Variants in MYO10 observed in about 807,000 individuals in gnomAD.
MYO10 encodes the protein unconventional myosin-X.
MYO10 carries 133 observed loss-of-function variants against 257.3 expected under a neutral mutation model. The ratio of observed to expected loss-of-function variants is 0.52; its 90% CI spans 0.45 to 0.60. The LOEUF is 0.60. Among genes scored for constraint, MYO10 ranks in the 20% least tolerant of loss-of-function variants. The pLI is 0.00. For missense variants in MYO10, 2,399 were observed against 2,635.7 expected, an observed-to-expected ratio of 0.91 and a Z score of 1.97; for synonymous variants, 1,104 against 1,028.6, an observed-to-expected ratio of 1.07 and a Z score of -1.40.
intron 1 of MYO10, among the ~76,000 whole-genome samples, chr5:16,879,004 AAAAG>A (rs1744688549): frequency 6.6e-6 from 1 of 151,996 alleles, no homozygotes; most frequent in African/African-American, 2.4e-5. Context: ...AAAAGAAAAA[AAAAG>A]AATTACTTTT....
intron 19 of MYO10, among the ~76,000 whole-genome samples, chr5:16,718,343 C>T (rs563059102): frequency 1.2e-4 from 19 of 152,306 alleles, no homozygotes; most frequent in Admixed American, 4.6e-4. Context: ...TGCGAGCGCA[C>T]GGCGCAGGAC....
At chr5:16,829,343 C>T (rs73754004) in intron 2 of MYO10, among the ~76,000 whole-genome samples, 19,752 of 152,152 alleles carry the variant, frequency 0.13, 2,116 homozygotes, top group African/African-American at 0.3. Flanking sequence ...GCAACACTAA[C>T]ATCAAACACA....
chr5:16,699,214 G>A (rs1280438544), intron 26 of MYO10, among the ~76,000 whole-genome samples: 8 of 152,166 alleles, frequency 5.3e-5, no homozygotes, highest in Non-Finnish European at 1.0e-4. Flanking sequence ...AGTCACGACT[G>A]TGTTCATGCT....
intron 1 of MYO10, among the ~76,000 whole-genome samples, chr5:16,933,776 A>C (rs1746360416): frequency 6.6e-6 from 1 of 152,210 alleles, no homozygotes; most frequent in South Asian, 2.1e-4. Context: ...AACCTCTCTG[A>C]CTGGCCCTGC....
chr5:16,899,643 C>A lies in MYO10; in HGVS notation c.22-21936G>T, dbSNP rs990659288. 6.5e-3 allele frequency among the ~76,000 whole-genome samples: 829 copies of A among 126,686 alleles called. 4 individuals are homozygous for A. Among genetic ancestry groups the A allele is most frequent in the South Asian group, 0.012 (47 of 4,050 alleles). 83.1% of individuals were successfully genotyped at this position (126,686 alleles called of 152,430 possible). ...AACTCAGTTTCAAAAAAAAAAAAAA[C>A]AAAAAACAATGTGATAAATCAGAAT... On this transcript the variant is annotated intron_variant, in intron 1 of 40. Transcript: ENST00000513610.
chr5:16,869,070 C>T (rs577834896), intron 2 of MYO10, among the ~76,000 whole-genome samples: 7 of 152,170 alleles, frequency 4.6e-5, no homozygotes, highest in Non-Finnish European at 7.4e-5. Context: ...TGTCGCCCAG[C>T]GTGGAGTGCA....
Position 16,935,939 on chromosome 5 carries a change from T to C in MYO10, c.-131A>G, listed in dbSNP as rs1057172172. On this transcript the variant is annotated 5_prime_UTR_variant, in exon 1 of 41. Coordinates refer to ENST00000513610, the MANE Select transcript of MYO10 (RefSeq NM_012334.3). ...ACGCGCGCCCGCGGGGCTCCCCTGCTGCCATCGCCCGGTCCCTTCTTGTCC... is the reference window on the plus strand; with the variant it reads ...ACGCGCGCCCGCGGGGCTCCCCTGCCGCCATCGCCCGGTCCCTTCTTGTCC... 97 of 1,103,150 alleles carry C rather than the reference T, an allele frequency of 8.8e-5. No individual in the cohort carries two copies. Among genetic ancestry groups the C allele is most frequent in the Non-Finnish European group, 1.2e-4 (90 of 751,142 alleles). The allele number at this position is 1,103,150 out of a possible 1,614,324, so 68.3% of individuals were successfully genotyped here.
chr5:16,894,266 T>C (rs1327499834), intron 1 of MYO10, among the ~76,000 whole-genome samples: 1 of 152,186 alleles, frequency 6.6e-6, no homozygotes, highest in Non-Finnish European at 1.5e-5. Flanking sequence ...GCTCCTTCTT[T>C]GATAGCCTTG....
At chr5:16,856,482 G>A (rs868853663) in intron 2 of MYO10, among the ~76,000 whole-genome samples, 5 of 151,954 alleles carry the variant, frequency 3.3e-5, no homozygotes, top group Admixed American at 2.0e-4. Context: ...CCTGGGAGGC[G>A]GAGGTTGCAG....
At chr5:16,797,962 T>C (rs949424260) in intron 3 of MYO10, among the ~76,000 whole-genome samples, 1 of 152,250 alleles carries the variant, frequency 6.6e-6, no homozygotes, top group African/African-American at 2.4e-5. Flanking sequence ...GATTATGTCA[T>C]GGGGCTCTGC....
intron 1 of MYO10, among the ~76,000 whole-genome samples, chr5:16,924,568 G>A (rs751702593): frequency 6.6e-6 from 1 of 152,078 alleles, no homozygotes; most frequent in Non-Finnish European, 1.5e-5. Flanking sequence ...AAATAGGCAC[G>A]CAATGACTTA....
chr5:16,927,744 C>T (rs1489423458), intron 1 of MYO10, among the ~76,000 whole-genome samples: 1 of 152,144 alleles, frequency 6.6e-6, no homozygotes, highest in African/African-American at 2.4e-5. Context: ...ATGTTTCTCC[C>T]TTGTTCTAGC....
Position 16,666,464 on chromosome 5 carries a change from G to A in MYO10, c.*228C>T. The A allele has an allele frequency of 2.1e-6, 1 of 465,862 alleles. No individual in the cohort carries two copies. The highest frequency in any genetic ancestry group is 3.8e-6 in the Non-Finnish European group (1 of 264,248). The allele number at this position is 465,862 out of a possible 1,614,324, so 28.9% of individuals were successfully genotyped here. On this transcript the variant is annotated 3_prime_UTR_variant, in exon 41 of 41. Transcript: ENST00000513610. Reference sequence around the variant, plus strand: ...TTTTTAAGGCATGTGTCCTCTAAGAGTAGTAAAGCTTTGGAAACTGTGCAG... The same window carrying A: ...TTTTTAAGGCATGTGTCCTCTAAGAATAGTAAAGCTTTGGAAACTGTGCAG...
intron 1 of MYO10, among the ~76,000 whole-genome samples, chr5:16,880,227 T>C (rs1744718597): frequency 7.1e-6 from 1 of 140,054 alleles, no homozygotes; most frequent in East Asian, 2.1e-4. Context: ...GGACCTCAAA[T>C]GTTAACTGTT....
rs141790785 is a variant in MYO10 at position 16,876,428 on chromosome 5, T to C, written c.120+1181A>G. On this transcript the variant is annotated intron_variant, in intron 2 of 40. Transcript: ENST00000513610. ...CTATAAACAGGAGAAACTTCTTCAG[T>C]TGCTTAACAAGGTAGATAAATAGGC... 7.5e-3 allele frequency among the ~76,000 whole-genome samples: 1,140 copies of C among 152,266 alleles called. 14 individuals carry two copies. The highest frequency in any genetic ancestry group is 9.4e-3 in the Non-Finnish European group (641 of 68,018).
chr5:16,867,068 C>T (rs892460126), intron 2 of MYO10, among the ~76,000 whole-genome samples: 11 of 152,220 alleles, frequency 7.2e-5, no homozygotes, highest in Non-Finnish European at 1.5e-4. Context: ...GGGCAGCTGC[C>T]TTGGCACAGC....
intron 3 of MYO10, among the ~76,000 whole-genome samples, chr5:16,795,113 G>T (rs1323625236): frequency 7.4e-6 from 1 of 134,726 alleles, no homozygotes; most frequent in African/African-American, 2.6e-5. Context: ...GCTCCCCGCT[G>T]ACCTCACCAA....
At chr5:16,757,866 T>C (rs1414812440) in intron 18 of MYO10, among the ~76,000 whole-genome samples, 2 of 152,200 alleles carry the variant, frequency 1.3e-5, no homozygotes. Context: ...GATTTCACCA[T>C]GTTGCCCCGG....
chr5:16,864,269 T>C lies in MYO10; in HGVS notation c.120+13340A>G, dbSNP rs151029040. 3.9e-5 allele frequency among the ~76,000 whole-genome samples: 6 copies of C among 152,238 alleles called. No individual in the cohort carries two copies. The East Asian group carries it at 9.7e-4, about 25-fold the overall frequency. ...CATTCTGATGACTTATTTGGCTTCATGCTGATTACAAATGGAGCTTCATTC... is the reference window on the plus strand; with the variant it reads ...CATTCTGATGACTTATTTGGCTTCACGCTGATTACAAATGGAGCTTCATTC... On this transcript the variant is annotated intron_variant, in intron 2 of 40. Coordinates refer to ENST00000513610, the MANE Select transcript of MYO10 (RefSeq NM_012334.3).
Sources: allele counts gnomAD v4.1 joint callset (sites outside exome capture counted in the v4.1 genomes callset), GRCh38; gene constraint gnomAD v4.1.1; transcripts MANE v1.5; gene names NCBI Gene and HGNC (gene_info 2026-07-23, HGNC 2026-07-21).